CLYBL: variants seen among roughly 807,000 people sequenced by gnomAD.
CLYBL encodes the protein citramalyl-CoA lyase, also known as citramalyl-CoA lyase, mitochondrial.
A neutral mutation model predicts 38.9 loss-of-function variants in CLYBL; 31 were observed. The ratio of observed to expected loss-of-function variants is 0.80; its 90% confidence interval spans 0.60 to 1.08. CLYBL has a LOEUF of 1.08. CLYBL is among the 50% of genes least tolerant of loss of function. CLYBL has a pLI of 0.00. For missense variants in CLYBL, 434 were observed against 411.6 expected (o/e 1.05, Z -0.47); for synonymous variants, 171 against 158.6 (o/e 1.08, Z -0.59).
At chr13:99,797,657 A>C (rs989030510) in intron 2 of CLYBL, among the ~76,000 whole-genome samples, 2 of 151,006 alleles carry the variant, frequency 1.3e-5, no homozygotes, top group African/African-American at 4.9e-5. Context: ...CCCTTAGTCC[A>C]TGTATCACCA....
chr13:99,861,687 A>T (rs1240582226), intron 3 of CLYBL, among the ~76,000 whole-genome samples: 7 of 152,192 alleles, frequency 4.6e-5, no homozygotes, highest in Admixed American at 4.6e-4. Flanking sequence ...GCAACTGGGA[A>T]TAATTCTTCA....
intron 2 of CLYBL, among the ~76,000 whole-genome samples, chr13:99,824,506 G>C (rs2139046369): frequency 6.6e-6 from 1 of 152,128 alleles, no homozygotes; most frequent in East Asian, 1.9e-4. Flanking sequence ...AGTGAAGATT[G>C]TTTATAAACA....
At chr13:99,812,985 C>T (rs2050372398) in intron 2 of CLYBL, among the ~76,000 whole-genome samples, 1 of 152,230 alleles carries the variant, frequency 6.6e-6, no homozygotes, top group Non-Finnish European at 1.5e-5. Context: ...CTGATTTTTG[C>T]ATGCATCTGT....
At chr13:99,689,360 A>G (rs1007574352) in intron 1 of CLYBL, among the ~76,000 whole-genome samples, 1 of 152,218 alleles carries the variant, frequency 6.6e-6, no homozygotes, top group Non-Finnish European at 1.5e-5. Context: ...TTTGAACTAT[A>G]TTCTTGCAAT....
chr13:99,695,841 A>C (rs1421685759), intron 1 of CLYBL, among the ~76,000 whole-genome samples: 1 of 152,152 alleles, frequency 6.6e-6, no homozygotes, highest in Non-Finnish European at 1.5e-5. Context: ...CTCTGGGTAC[A>C]GGGCAGGACA....
chr13:99,891,429 T>C lies in CLYBL; in HGVS notation c.*16T>C. ...GGAAAAATGATCTGTTAAATGAAGC[T>C]GTCATCAGGTGGGCTGAACATATAC... On this transcript the variant is annotated 3_prime_UTR_variant, in exon 8 of 9. Coordinates refer to ENST00000339105, the MANE Select transcript of CLYBL (RefSeq NM_206808.5). 1.3e-6 allele frequency: 2 copies of C among 1,577,650 alleles called. No individual in the cohort carries two copies. The highest frequency in any genetic ancestry group is 1.1e-5 in the South Asian group (1 of 90,326).
chr13:99,648,002 G>C (rs533982202), intron 1 of CLYBL, among the ~76,000 whole-genome samples: 2 of 152,112 alleles, frequency 1.3e-5, no homozygotes, highest in Admixed American at 1.3e-4. Flanking sequence ...TTGGTGTGTT[G>C]GCTCTGGGGG....
At chr13:99,777,854 C>T (rs1281683868) in intron 2 of CLYBL, among the ~76,000 whole-genome samples, 4 of 152,210 alleles carry the variant, frequency 2.6e-5, no homozygotes, top group Admixed American at 1.3e-4. Flanking sequence ...CATATGTTAT[C>T]TTAATCCTTA....
chr13:99,832,325 A>G (rs2050821164), intron 2 of CLYBL, among the ~76,000 whole-genome samples: 1 of 152,132 alleles, frequency 6.6e-6, no homozygotes. Context: ...TTCTCCCTCC[A>G]CGTCCTCAAA....
intron 1 of CLYBL, among the ~76,000 whole-genome samples, chr13:99,635,305 GCCCCCCACA>G (rs2047003447): frequency 6.6e-6 from 1 of 151,722 alleles, no homozygotes; most frequent in Non-Finnish European, 1.5e-5. Context: ...TCTGCACCAC[GCCCCCCACA>G]CCCCCAACCT....
chr13:99,838,599 A>C (rs2050993492), intron 2 of CLYBL, among the ~76,000 whole-genome samples: 1 of 152,202 alleles, frequency 6.6e-6, no homozygotes, highest in Non-Finnish European at 1.5e-5. Flanking sequence ...TAAATGCTGT[A>C]ATCTTCCCAT....
At chr13:99,774,155 C>A (rs1186218816) in intron 2 of CLYBL, among the ~76,000 whole-genome samples, 1 of 152,034 alleles carries the variant, frequency 6.6e-6, no homozygotes, top group South Asian at 2.1e-4. Context: ...ATCACGTGAG[C>A]CCGAGAGTTT....
chr13:99,859,951 C>T (rs977198418), intron 3 of CLYBL, among the ~76,000 whole-genome samples: 1 of 152,050 alleles, frequency 6.6e-6, no homozygotes, highest in Non-Finnish European at 1.5e-5. Context: ...GAAGCCACAT[C>T]TAGTATTATC....
chr13:99,746,674 A>C (rs2048856834), intron 1 of CLYBL, among the ~76,000 whole-genome samples: 1 of 152,234 alleles, frequency 6.6e-6, no homozygotes, highest in Non-Finnish European at 1.5e-5. Flanking sequence ...TGATCTCTAC[A>C]GAGGCAAAGA....
At chr13:99,764,699 C>G (rs1306998330) in intron 1 of CLYBL, among the ~76,000 whole-genome samples, 1 of 151,952 alleles carries the variant, frequency 6.6e-6, no homozygotes, top group Non-Finnish European at 1.5e-5. Context: ...TTTTGTGAGA[C>G]AGCATCTTAA....
intron 2 of CLYBL, among the ~76,000 whole-genome samples, chr13:99,841,398 T>A (rs11423509): frequency 7.7e-4 from 18 of 23,512 alleles, no homozygotes; most frequent in Middle Eastern, 0.036. Context: ...TACATACTTT[T>A]TTTTTTTATT....
At chr13:99,777,714 A>T (rs980526607) in intron 2 of CLYBL, among the ~76,000 whole-genome samples, 23 of 151,968 alleles carry the variant, frequency 1.5e-4, no homozygotes, top group Non-Finnish European at 2.9e-4. Flanking sequence ...GCTGGTCTCG[A>T]ACTCCTGACC....
chr13:99,822,399 A>G (rs1018738138), intron 2 of CLYBL, among the ~76,000 whole-genome samples: 1 of 152,218 alleles, frequency 6.6e-6, no homozygotes, highest in Non-Finnish European at 1.5e-5. Context: ...AGTCAAAGAA[A>G]TGGTTCAGAA....
At chr13:99,723,169 C>T (rs1178775113) in intron 1 of CLYBL, among the ~76,000 whole-genome samples, 2 of 152,190 alleles carry the variant, frequency 1.3e-5, no homozygotes, top group East Asian at 1.9e-4. Flanking sequence ...TTTAAAACAC[C>T]GTGTGACTTT....
Sources: allele counts gnomAD v4.1 joint callset (sites outside exome capture counted in the v4.1 genomes callset), GRCh38; gene constraint gnomAD v4.1.1; transcripts MANE v1.5; gene names NCBI Gene and HGNC (gene_info 2026-07-23, HGNC 2026-07-21).